CCDC198: variants seen among roughly 807,000 people sequenced by gnomAD.
CCDC198 encodes coiled-coil domain containing 198.
A neutral mutation model predicts 35.6 loss-of-function variants in CCDC198; 18 were observed. The observed-to-expected ratio is 0.51, with a 90% confidence interval of 0.35 to 0.75. CCDC198 has a LOEUF of 0.75. CCDC198 is among the 30% of genes least tolerant of loss of function. CCDC198 has a pLI of 0.01. For synonymous variants in CCDC198, 119 were observed against 113.4 expected, an observed-to-expected ratio of 1.05 and a Z score of -0.31; for missense variants, 365 against 343.7, an observed-to-expected ratio of 1.06 and a Z score of -0.49.
intron 5 of CCDC198, 79 bp downstream of exon 5, chr14:57,480,516 T>A: frequency 6.6e-7 from 1 of 1,508,098 alleles, no homozygotes; most frequent in South Asian, 1.2e-5. Flanking sequence ...CTTCTCATCA[T>A]GTCCCTCCCT....
chr14:57,470,788 C>T lies in CCDC198; in HGVS notation c.*567G>A, dbSNP rs759308189. The T allele has an allele frequency of 6.6e-6, 1 of 152,492 alleles. No individual in the cohort carries two copies. Among genetic ancestry groups the T allele is most frequent in the Non-Finnish European group, 1.5e-5 (1 of 68,220 alleles). 9.4% of individuals were successfully genotyped at this position (152,492 alleles called of 1,614,324 possible). ...ACTCCAAGCTGGTCTATGACTTTAA[C>T]CAACAGAACATGGTGGAAGTGATGC... On this transcript the variant is annotated 3_prime_UTR_variant, in exon 6 of 6. Transcript: ENST00000216445.
At chr14:57,491,123 T>C (rs1461030233) in intron 1 of CCDC198, 52 bp from the exon 2 acceptor site, 1 of 1,560,016 alleles carries the variant, frequency 6.4e-7, no homozygotes, top group Non-Finnish European at 8.8e-7. Flanking sequence ...TAATTTACTA[T>C]TAAATCAGGC....
intron 5 of CCDC198, among the ~76,000 whole-genome samples, chr14:57,472,610 A>C (rs774756736): frequency 1.3e-5 from 2 of 152,340 alleles, no homozygotes; most frequent in Non-Finnish European, 2.9e-5. Flanking sequence ...AGAGATGTCT[A>C]AACTGTTCTC....
At chr14:57,481,865 A>G (rs2067200234) in intron 3 of CCDC198, among the ~76,000 whole-genome samples, 1 of 152,182 alleles carries the variant, frequency 6.6e-6, no homozygotes, top group South Asian at 2.1e-4. Context: ...TTTGATGTGT[A>G]TATATGTAGT....
intron 5 of CCDC198, among the ~76,000 whole-genome samples, chr14:57,473,537 T>A (rs1311990586): frequency 1.3e-5 from 2 of 152,200 alleles, no homozygotes; most frequent in Admixed American, 6.5e-5. Flanking sequence ...ATAATTCTGA[T>A]CATTCTGTTT....
intron 2 of CCDC198, among the ~76,000 whole-genome samples, chr14:57,488,558 G>GA: frequency 6.6e-6 from 1 of 152,100 alleles, no homozygotes; most frequent in African/African-American, 2.4e-5. Context: ...AATGGCTGAA[G>GA]ACATAAGATT....
Position 57,493,752 on chromosome 14 carries a change from A to C in CCDC198, c.-37T>G. The stretch of plus-strand genomic sequence containing the variant: ...GACATTCAGAGGAAAGCTGCGAGGG[A>C]AGTGGTTTTGGGGTCTTTAATATAG... On this transcript the variant is annotated 5_prime_UTR_variant, in exon 1 of 6. Coordinates refer to ENST00000216445, the MANE Select transcript of CCDC198 (RefSeq NM_018168.4). 1 of 1,545,472 alleles carries C rather than the reference A, an allele frequency of 6.5e-7. No homozygotes were observed. The highest frequency in any genetic ancestry group is 8.9e-7 in the Non-Finnish European group (1 of 1,124,266).
intron 5 of CCDC198, among the ~76,000 whole-genome samples, chr14:57,472,009 C>G (rs923046397): frequency 1.3e-5 from 2 of 151,992 alleles, no homozygotes; most frequent in African/African-American, 4.8e-5. Flanking sequence ...AGGGCATTTT[C>G]TCTGCATAAC....
intron 2 of CCDC198, among the ~76,000 whole-genome samples, chr14:57,487,723 A>G (rs2139543693): frequency 6.6e-6 from 1 of 152,340 alleles, no homozygotes; most frequent in African/African-American, 2.4e-5. Context: ...AATTTAGCAT[A>G]CAATTAGATT....
intron 5 of CCDC198, among the ~76,000 whole-genome samples, chr14:57,473,645 T>C (rs1288028853): frequency 3.3e-5 from 5 of 152,218 alleles, no homozygotes; most frequent in African/African-American, 9.7e-5. Context: ...TGTTGTGTCC[T>C]TATAATTGGT....
At chr14:57,481,775 G>A (rs911191106) in intron 3 of CCDC198, 115 bp from the exon 4 acceptor site, 7 of 640,888 alleles carry the variant, frequency 1.1e-5, no homozygotes, top group Admixed American at 3.0e-5. Context: ...AACCTGTAGA[G>A]ATATCTTGTG....
chr14:57,483,952 A>G (rs567600768), intron 2 of CCDC198, among the ~76,000 whole-genome samples: 1 of 152,370 alleles, frequency 6.6e-6, no homozygotes, highest in East Asian at 1.9e-4. Flanking sequence ...GTGGCCCCTC[A>G]TGGAGCTTAC....
chr14:57,474,010 G>A (rs1439716457), intron 5 of CCDC198, among the ~76,000 whole-genome samples: 2 of 152,076 alleles, frequency 1.3e-5, no homozygotes, highest in Non-Finnish European at 2.9e-5. Context: ...ACTTCATCCA[G>A]CTACTTCTTA....
rs1295568482 is a variant in CCDC198 at position 57,469,991 on chromosome 14, C to G, written c.*1364G>C. The G allele has an allele frequency of 1.8e-4, 28 of 152,138 alleles. No homozygotes were observed. The highest frequency in any genetic ancestry group is 1.8e-3 in the Admixed American group (28 of 15,292). 9.4% of individuals were successfully genotyped at this position (152,138 alleles called of 1,614,324 possible). On this transcript the variant is annotated 3_prime_UTR_variant, in exon 6 of 6. Coordinates refer to ENST00000216445, the MANE Select transcript of CCDC198 (RefSeq NM_018168.4). ...GAAATTATTTTTAGATTATGCTAAA[C>G]ATGGAGCTGCATTTTACACAAAAGT...
At chr14:57,488,809 CA>C (rs2067459790) in intron 2 of CCDC198, among the ~76,000 whole-genome samples, 1 of 152,104 alleles carries the variant, frequency 6.6e-6, no homozygotes, top group South Asian at 2.1e-4. Flanking sequence ...AAATGCAAAT[CA>C]AAACCACAAT....
rs975360026 is a variant in CCDC198 at position 57,478,924 on chromosome 14, C to T, written c.655+1671G>A. The T allele has an allele frequency of 1.7e-5, 22 of 1,262,568 alleles. No individual in the cohort carries two copies. The Middle Eastern group carries it at 6.6e-4, about 38-fold the overall frequency. 78.2% of individuals were successfully genotyped at this position (1,262,568 alleles called of 1,614,324 possible). A position where few individuals can be genotyped will look rare whatever the true frequency, so the allele number is the denominator to read the frequency against. ...AGAGACATAGCCAGCTTTTCTGCAG[C>T]TCTCTCAGCGGTGGGTCAGTCCTGC... is the stretch of plus-strand genomic sequence containing the variant. On this transcript the variant is annotated intron_variant, in intron 5 of 5. Transcript: ENST00000216445.
In CCDC198 at chr14:57,483,053, G is replaced by T. The variant is rs751002791; in HGVS notation, c.393+12C>A. The T allele has an allele frequency of 1.9e-6, 3 of 1,613,972 alleles. No individual in the cohort carries two copies. Among genetic ancestry groups the T allele is most frequent in the Non-Finnish European group, 2.5e-6 (3 of 1,179,946 alleles). Reference sequence around the variant, plus strand: ...CAGTTCACCTCCCTGTCAGGTTACTGCTGCAGCTCACCTTTGCTTTGTGCA... The same window carrying T: ...CAGTTCACCTCCCTGTCAGGTTACTTCTGCAGCTCACCTTTGCTTTGTGCA... On this transcript the variant is annotated intron_variant, in intron 3 of 5. Coordinates refer to ENST00000216445, the MANE Select transcript of CCDC198 (RefSeq NM_018168.4).
chr14:57,491,220 A>G (rs991267032), intron 1 of CCDC198, 149 bp from the exon 2 acceptor site: 1 of 747,636 alleles, frequency 1.3e-6, no homozygotes, highest in Admixed American at 2.9e-5. Context: ...TGGAGATGAA[A>G]CACAGAAAGC....
At chr14:57,486,865 T>C (rs141791914) in intron 2 of CCDC198, among the ~76,000 whole-genome samples, 1 of 152,296 alleles carries the variant, frequency 6.6e-6, no homozygotes, top group East Asian at 1.9e-4. Context: ...GTGGTAGATA[T>C]CTTCAAGAAC....
Sources: allele counts gnomAD v4.1 joint callset (sites outside exome capture counted in the v4.1 genomes callset), GRCh38; gene constraint gnomAD v4.1.1; transcripts MANE v1.5; gene names NCBI Gene and HGNC (gene_info 2026-07-23, HGNC 2026-07-21).